The following MDM2 variants were observed in gnomAD, a reference collection of about 807,000 sequenced individuals.
MDM2 encodes E3 ubiquitin-protein ligase Mdm2.
MDM2 carries 11 observed loss-of-function variants against 64.3 expected under a neutral mutation model. The ratio of observed to expected loss-of-function variants is 0.17; its 90% confidence interval spans 0.11 to 0.28. The LOEUF is 0.28. Among genes scored for constraint, MDM2 ranks in the 10% least tolerant of loss-of-function variants. The pLI is 1.00. For missense variants in MDM2, 388 were observed against 577.1 expected (o/e 0.67, Z 3.36); for synonymous variants, 194 against 192.9 (o/e 1.01, Z -0.05).
intron 4 of MDM2, among the ~76,000 whole-genome samples, chr12:68,820,124 A>G (rs1420859852): frequency 6.6e-6 from 1 of 152,320 alleles, no homozygotes; most frequent in South Asian, 2.1e-4. Context: ...GTAATTATTA[A>G]AAGTAGCTGT....
At chr12:68,850,060 G>A (rs1459642951), downstream of MDM2, 1 of 152,246 alleles carries the variant, frequency 6.6e-6, no homozygotes, top group African/African-American at 2.4e-5. Context: ...TGAGGTGGGT[G>A]GATCACTTGA....
At chr12:68,823,125 G>A (rs1882003325) in intron 5 of MDM2, among the ~76,000 whole-genome samples, 2 of 152,078 alleles carry the variant, frequency 1.3e-5, no homozygotes, top group African/African-American at 4.8e-5. Context: ...AACCTATTAT[G>A]TACAACTTAA....
chr12:68,813,693 A>G, intron 3 of MDM2, 65 bp downstream of exon 3: 2 of 1,204,676 alleles, frequency 1.7e-6, no homozygotes. Context: ...AAAGTTTTCA[A>G]GACCATGTGG....
At chr12:68,812,840 C>T (rs1174692603) in intron 2 of MDM2, among the ~76,000 whole-genome samples, 1 of 152,048 alleles carries the variant, frequency 6.6e-6, no homozygotes, top group Non-Finnish European at 1.5e-5. Flanking sequence ...TGGATAGAAC[C>T]ATTTGTATGA....
Position 68,843,989 on chromosome 12 carries a change from G to T in MDM2, c.*4140G>T, listed in dbSNP as rs1012001877. On this transcript the variant is annotated 3_prime_UTR_variant, in exon 11 of 11. Transcript: ENST00000258149. The stretch of plus-strand genomic sequence containing the variant: ...CTGAAGCTAGAACCAAGCAGAATCT[G>T]TTTTTTTCTGAGGAGTATCGGTAGC... 5 of 207,828 alleles carry T rather than the reference G, an allele frequency of 2.4e-5. No homozygotes were observed. Among genetic ancestry groups the T allele is most frequent in the Non-Finnish European group, 3.9e-5 (4 of 102,248 alleles). The allele number at this position is 207,828 out of a possible 1,614,324, so 12.9% of individuals were successfully genotyped here.
At chr12:68,815,842 A>G in intron 3 of MDM2, 1 of 165,860 alleles carries the variant, frequency 6.0e-6, no homozygotes, top group Non-Finnish European at 1.3e-5. Context: ...TGCCATATGT[A>G]TTTAGGTAGT....
At chr12:68,826,211 T>C (rs1882304900) in intron 7 of MDM2, among the ~76,000 whole-genome samples, 1 of 152,134 alleles carries the variant, frequency 6.6e-6, no homozygotes, top group South Asian at 2.1e-4. Context: ...AAGGGTGTCC[T>C]TTTGATCTAT....
chr12:68,808,516 A>C, intron 1 of MDM2, 25 bp downstream of exon 1: 1 of 1,613,912 alleles, frequency 6.2e-7, no homozygotes, highest in Non-Finnish European at 8.5e-7. Context: ...GCGAGCGGTC[A>C]CTTTTGGGTC....
At chr12:68,809,431 G>A (rs1880666304) in intron 2 of MDM2, 139 bp downstream of exon 2, 2 of 765,740 alleles carry the variant, frequency 2.6e-6, no homozygotes, top group Non-Finnish European at 4.4e-6. Context: ...TACCTCTGGC[G>A]TAACTGCGTG....
chr12:68,833,295 A>AAT, intron 8 of MDM2, among the ~76,000 whole-genome samples: 1 of 119,768 alleles, frequency 8.3e-6, no homozygotes, highest in South Asian at 2.3e-4. Context: ...AAATATATAT[A>AAT]TTTATATAAA....
At chr12:68,828,179 A>G (rs1882491501) in intron 7 of MDM2, 1 of 152,294 alleles carries the variant, frequency 6.6e-6, no homozygotes, top group South Asian at 2.1e-4. Flanking sequence ...TAAGAATACC[A>G]TATGAGTAAA....
At chr12:68,847,447 CCTTT>C (rs1308015787), downstream of MDM2, 8 of 91,176 alleles carry the variant, frequency 8.8e-5, 1 homozygote, top group Non-Finnish European at 1.4e-4. Context: ...TTTTGTATCT[CCTTT>C]CTTTTTTTTT....
At chr12:68,833,124 TCC>T (rs1882935985) in intron 8 of MDM2, among the ~76,000 whole-genome samples, 2 of 30,122 alleles carry the variant, frequency 6.6e-5, no homozygotes. Flanking sequence ...AGACTCTGTC[TCC>T]AAAAAAAAAA....
chr12:68,810,948 C>G (rs890244176), intron 2 of MDM2, among the ~76,000 whole-genome samples: 1 of 152,114 alleles, frequency 6.6e-6, no homozygotes, highest in Non-Finnish European at 1.5e-5. Flanking sequence ...TCATTGCAAC[C>G]TCTGCCTCAC....
intron 8 of MDM2, 149 bp from the exon 9 acceptor site, chr12:68,835,680 C>T (rs1475448560): frequency 4.0e-5 from 27 of 681,086 alleles, no homozygotes; most frequent in Non-Finnish European, 6.1e-5. Context: ...CGCCGATCTC[C>T]CTCGGGAAGT....
In MDM2 at chr12:68,824,596, A is replaced by C. The variant is rs749317078; in HGVS notation, c.468A>C (p.Ser156=). 1 of 1,613,682 alleles carries C rather than the reference A, an allele frequency of 6.2e-7. No individual in the cohort carries two copies. Among genetic ancestry groups the C allele is most frequent in the Non-Finnish European group, 8.5e-7 (1 of 1,179,934 alleles). The stretch of plus-strand genomic sequence containing the variant: ...TTCAGGAAGAGAAACCTTCATCTTC[A>C]CATTTGGTTTCTAGACCATCTACCT... ...QELQEEKPSS[S]HLVSRPSTSS... Residue 156 remains serine (S), a synonymous_variant, in exon 7 of 11, where the codon TCA becomes TCC. Transcript: ENST00000258149.
chr12:68,811,387 T>A (rs1458558905), intron 2 of MDM2, among the ~76,000 whole-genome samples: 1 of 152,148 alleles, frequency 6.6e-6, no homozygotes, highest in East Asian at 1.9e-4. Flanking sequence ...GAATTTCATA[T>A]CATGCTTTGG....
At chr12:68,815,807 T>C (rs1016851219) in intron 3 of MDM2, 1 of 182,200 alleles carries the variant, frequency 5.5e-6, no homozygotes, top group Admixed American at 6.3e-5. Context: ...ATAATACTTA[T>C]AAAAGTACAT....
rs1883775407 is a variant in MDM2, at chr12:68,841,637, G to A, written c.*1788G>A. 3.8e-5 allele frequency: 8 copies of A among 209,532 alleles called. No individual in the cohort carries two copies. In the East Asian group the frequency reaches 5.8e-4, roughly 15 times the overall value. The allele number at this position is 209,532 out of a possible 1,614,324, so 13.0% of individuals were successfully genotyped here. Reference sequence around the variant, plus strand: ...AAAAACAACTCTAAGACACTTTAAAGTACCTTCTTGGCCTGGGTTACATGG... The same window carrying A: ...AAAAACAACTCTAAGACACTTTAAAATACCTTCTTGGCCTGGGTTACATGG... On this transcript the variant is annotated 3_prime_UTR_variant, in exon 11 of 11. Coordinates refer to ENST00000258149, the MANE Select transcript of MDM2 (RefSeq NM_002392.6).
Sources: allele counts gnomAD v4.1 joint callset (sites outside exome capture counted in the v4.1 genomes callset), GRCh38; gene constraint gnomAD v4.1.1; transcripts MANE v1.5; gene names NCBI Gene and HGNC (gene_info 2026-07-23, HGNC 2026-07-21).